Variants in ZBTB7C observed in about 807,000 individuals in gnomAD.
ZBTB7C encodes the protein zinc finger and BTB domain-containing protein 7C.
A neutral mutation model predicts 25.7 loss-of-function variants in ZBTB7C; 8 were observed. That is an observed-to-expected ratio of 0.31 (90% CI 0.18 to 0.56). The LOEUF (loss-of-function observed/expected upper bound fraction) is 0.56. Among genes scored for constraint, ZBTB7C ranks in the 20% least tolerant of loss-of-function variants. The pLI is 0.91. For synonymous variants in ZBTB7C, 394 were observed against 369.0 expected (o/e 1.07, Z -0.78); for missense variants, 824 against 855.2 (o/e 0.96, Z 0.46).
Position 48,129,925 on chromosome 18 carries a change from C to G in ZBTB7C, c.-17+56009G>C, listed in dbSNP as rs1181271991. Among the ~76,000 whole-genome samples, 3 of 152,344 alleles carry G rather than the reference C, an allele frequency of 2.0e-5. No homozygotes were observed. In the East Asian group the frequency reaches 5.8e-4, roughly 29 times the overall value. On this transcript the variant is annotated intron_variant, in intron 3 of 4. Transcript: ENST00000590800. ...CCGAATAAACCGGCCCTCCCTTTCCCTCCTCTGCCTCCCTGCTCCCTAGCA... is the reference window on the plus strand; with the variant it reads ...CCGAATAAACCGGCCCTCCCTTTCCGTCCTCTGCCTCCCTGCTCCCTAGCA...
intron 2 of ZBTB7C, among the ~76,000 whole-genome samples, chr18:48,281,739 T>G (rs2044858347): frequency 1.3e-5 from 2 of 151,556 alleles, no homozygotes; most frequent in South Asian, 4.2e-4. Flanking sequence ...ATCAGAGAAA[T>G]GCAAATCAAA....
At chr18:48,132,472 A>G (rs1427322098) in intron 3 of ZBTB7C, among the ~76,000 whole-genome samples, 1 of 152,242 alleles carries the variant, frequency 6.6e-6, no homozygotes, top group East Asian at 1.9e-4. Flanking sequence ...GGAGTAATCA[A>G]GATACTATAA....
chr18:48,155,385 T>C (rs998141955), intron 3 of ZBTB7C, among the ~76,000 whole-genome samples: 1 of 144,718 alleles, frequency 6.9e-6, no homozygotes, highest in African/African-American at 2.6e-5. Flanking sequence ...TGGAGTGCAG[T>C]GGTGCAATCT....
intron 1 of ZBTB7C, among the ~76,000 whole-genome samples, chr18:48,364,464 A>T (rs980127922): frequency 1.3e-5 from 2 of 152,160 alleles, no homozygotes; most frequent in Non-Finnish European, 2.9e-5. Flanking sequence ...GAAATTCCAG[A>T]TGGGAGCACA....
chr18:48,410,186 C>T (rs2048367413), upstream of ZBTB7C, among the ~76,000 whole-genome samples: 1 of 152,252 alleles, frequency 6.6e-6, no homozygotes, highest in Non-Finnish European at 1.5e-5. Flanking sequence ...CTCCAGCGAG[C>T]GCACCAAGAC....
chr18:48,033,968 A>T (rs1368394727), intron 4 of ZBTB7C, among the ~76,000 whole-genome samples: 1 of 152,132 alleles, frequency 6.6e-6, no homozygotes, highest in African/African-American at 2.4e-5. Flanking sequence ...GAGTGTATGC[A>T]TCTGGGTAAT....
intron 1 of ZBTB7C, among the ~76,000 whole-genome samples, chr18:48,391,339 T>C (rs2047899471): frequency 6.6e-6 from 1 of 152,184 alleles, no homozygotes; most frequent in Non-Finnish European, 1.5e-5. Flanking sequence ...CTGATCTTAC[T>C]CAAGGAGAAA....
At chr18:48,405,923 G>A (rs546399982) in intron 1 of ZBTB7C, among the ~76,000 whole-genome samples, 10 of 141,934 alleles carry the variant, frequency 7.0e-5, no homozygotes, top group South Asian at 2.3e-4. Flanking sequence ...GGTTCACTCC[G>A]GTACCCTCCC....
intron 2 of ZBTB7C, among the ~76,000 whole-genome samples, chr18:48,223,694 C>T (rs147733800): frequency 1.6e-3 from 242 of 152,304 alleles, no homozygotes; most frequent in Non-Finnish European, 2.9e-3. Flanking sequence ...AGTTCTGCTA[C>T]TATGACTTTG....
chr18:48,397,221 C>A (rs758671018), intron 1 of ZBTB7C, among the ~76,000 whole-genome samples: 1 of 152,166 alleles, frequency 6.6e-6, no homozygotes, highest in Non-Finnish European at 1.5e-5. Flanking sequence ...CTGCACAGGG[C>A]GGGAACCAGC....
chr18:48,302,961 G>T (rs1250180100), intron 2 of ZBTB7C, among the ~76,000 whole-genome samples: 1 of 150,938 alleles, frequency 6.6e-6, no homozygotes, highest in Non-Finnish European at 1.5e-5. Flanking sequence ...CACAGTGCTA[G>T]GAATGATGCA....
At chr18:48,088,760 G>A (rs1200409931) in intron 3 of ZBTB7C, among the ~76,000 whole-genome samples, 1 of 152,146 alleles carries the variant, frequency 6.6e-6, no homozygotes, top group African/African-American at 2.4e-5. Flanking sequence ...AACCTGGAAG[G>A]TGGAGGTTGC....
chr18:48,272,719 AT>A (rs575859483), intron 2 of ZBTB7C, among the ~76,000 whole-genome samples: 168 of 152,366 alleles, frequency 1.1e-3, no homozygotes, highest in African/African-American at 4.0e-3. Context: ...TCATAGCAGC[AT>A]TCTTGATAAT....
chr18:48,062,663 T>G (rs1010702495), intron 3 of ZBTB7C, among the ~76,000 whole-genome samples: 1 of 152,190 alleles, frequency 6.6e-6, no homozygotes, highest in Admixed American at 6.5e-5. Context: ...AGTAAGTCAG[T>G]GGCCTGTTCC....
At chr18:48,125,722 A>G (rs1346373623) in intron 3 of ZBTB7C, among the ~76,000 whole-genome samples, 3 of 152,214 alleles carry the variant, frequency 2.0e-5, no homozygotes, top group East Asian at 3.9e-4. Context: ...ATGTCCTAAC[A>G]TTGTCTGCCT....
rs947413017 is a variant in ZBTB7C, at chr18:48,040,789, T to C, written c.319A>G (p.Ile107Val). 3 of 1,613,888 alleles carry C rather than the reference T, an allele frequency of 1.9e-6. No individual in the cohort carries two copies. The highest frequency in any genetic ancestry group is 1.1e-5 in the South Asian group (1 of 91,068). The change falls in exon 4 of 5, where the codon ATC becomes GTC. Residue 107 changes from isoleucine (I) to valine (V), a missense_variant. Coordinates refer to ENST00000590800, the MANE Select transcript of ZBTB7C (RefSeq NM_001318841.2). Reference sequence around the variant, plus strand: ...TCCAGCATCCTGGCTGCGTTGAGGATGTGCTTGACATTGCCAGCGGTGATG... The same window carrying C: ...TCCAGCATCCTGGCTGCGTTGAGGACGTGCTTGACATTGCCAGCGGTGATG... ...LTITAGNVKH[I>V]LNAARMLEIQ...
intron 3 of ZBTB7C, among the ~76,000 whole-genome samples, chr18:48,121,298 G>A (rs973604328): frequency 6.6e-6 from 1 of 152,148 alleles, no homozygotes; most frequent in African/African-American, 2.4e-5. Context: ...CAGTTAGCTT[G>A]TGTCCCTCCA....
At chr18:48,243,717 A>C (rs1046523117) in intron 2 of ZBTB7C, among the ~76,000 whole-genome samples, 2 of 152,218 alleles carry the variant, frequency 1.3e-5, no homozygotes, top group African/African-American at 4.8e-5. Flanking sequence ...ACATAGCCAA[A>C]GCAAGACTAA....
chr18:48,316,958 C>T (rs1249681479), intron 2 of ZBTB7C, among the ~76,000 whole-genome samples: 3 of 152,154 alleles, frequency 2.0e-5, no homozygotes, highest in South Asian at 2.1e-4. Flanking sequence ...ATAATTCACG[C>T]GAACTTGTCT....
Sources: gnomAD v4.1 joint callset for allele counts (sites outside exome capture counted in the v4.1 genomes callset) on GRCh38, gnomAD v4.1.1 for gene constraint, MANE v1.5 for transcripts, NCBI Gene and HGNC (gene_info 2026-07-23, HGNC 2026-07-21) for gene names.